Variants in DPP6 observed in about 807,000 individuals in gnomAD.
DPP6 encodes the protein A-type potassium channel modulatory protein DPP6.
Under a neutral mutation model 122.6 loss-of-function variants are expected in DPP6, and 69 were observed. That is an observed-to-expected ratio of 0.56 (90% CI 0.46 to 0.69). The LOEUF (loss-of-function observed/expected upper bound fraction) is 0.69. Ranked by LOEUF, DPP6 falls within the 30% of genes least tolerant of loss-of-function variation. DPP6 has a pLI of 0.00. For missense variants in DPP6, 928 were observed against 1,116.9 expected (o/e 0.83, Z 2.41); for synonymous variants, 418 against 433.1 (o/e 0.97, Z 0.43).
chr7:154,585,088 C>T (rs1832352193), intron 5 of DPP6, among the ~76,000 whole-genome samples: 1 of 147,912 alleles, frequency 6.8e-6, no homozygotes, highest in African/African-American at 2.5e-5. Context: ...CTCCCTCCAC[C>T]CCTAGTCCCT....
chr7:154,063,067 C>A (rs1310940576), intron 1 of DPP6, among the ~76,000 whole-genome samples: 1 of 132,074 alleles, frequency 7.6e-6, no homozygotes, highest in Non-Finnish European at 1.7e-5. Flanking sequence ...AGAGTGGGGA[C>A]TGAGAGCTAT....
At chr7:153,813,735 G>T in the DPP6 span, among the ~76,000 whole-genome samples, 5 of 151,742 alleles carry the variant, frequency 3.3e-5, no homozygotes, top group African/African-American at 1.2e-4. Context: ...GTGTGAGATG[G>T]TATCTCATTG....
intron 1 of DPP6, among the ~76,000 whole-genome samples, chr7:154,060,806 C>T (rs984868923): frequency 9.2e-6 from 1 of 108,852 alleles, no homozygotes; most frequent in African/African-American, 4.4e-5. Flanking sequence ...GAGGGGGACG[C>T]ACCCCCCATG....
chr7:154,777,015 CTGTT>C (rs1400218007), intron 10 of DPP6, among the ~76,000 whole-genome samples: 1 of 152,158 alleles, frequency 6.6e-6, no homozygotes, highest in African/African-American at 2.4e-5. Flanking sequence ...TTATTTTTTC[CTGTT>C]TGTTTGCTTG....
chr7:154,167,982 G>A (rs916701744), intron 1 of DPP6, among the ~76,000 whole-genome samples: 1 of 152,132 alleles, frequency 6.6e-6, no homozygotes. Flanking sequence ...TTTCTGGGAC[G>A]CCATCCAATC....
At chr7:154,240,520 A>G (rs769785537) in intron 1 of DPP6, among the ~76,000 whole-genome samples, 2 of 152,238 alleles carry the variant, frequency 1.3e-5, no homozygotes, top group Non-Finnish European at 2.9e-5. Context: ...AAGGCAAGAA[A>G]GAGTGAAATA....
intron 17 of DPP6, among the ~76,000 whole-genome samples, chr7:154,858,946 T>G (rs909072899): frequency 6.6e-6 from 1 of 152,122 alleles, no homozygotes; most frequent in Non-Finnish European, 1.5e-5. Context: ...TCATCTGAGA[T>G]CCACAGCAAA....
At chr7:154,359,780 A>G (rs1157952233) in intron 1 of DPP6, among the ~76,000 whole-genome samples, 1 of 152,196 alleles carries the variant, frequency 6.6e-6, no homozygotes, top group Non-Finnish European at 1.5e-5. Flanking sequence ...CACTTTCCCA[A>G]ACACAGGACT....
At chr7:154,101,486 C>T (rs1219441812) in intron 1 of DPP6, among the ~76,000 whole-genome samples, 1 of 151,244 alleles carries the variant, frequency 6.6e-6, no homozygotes, top group Non-Finnish European at 1.5e-5. Context: ...CAAGGCAGGA[C>T]ATTTAGAAGG....
chr7:154,422,441 A>G (rs985788697), intron 1 of DPP6, among the ~76,000 whole-genome samples: 10 of 152,278 alleles, frequency 6.6e-5, no homozygotes, highest in African/African-American at 2.4e-4. Flanking sequence ...CAATAACTGC[A>G]TATTTTGGTC....
chr7:154,218,913 A>G (rs1800150771), intron 1 of DPP6, among the ~76,000 whole-genome samples: 1 of 152,222 alleles, frequency 6.6e-6, no homozygotes, highest in Non-Finnish European at 1.5e-5. Flanking sequence ...TAGTGCTAGA[A>G]TTTAATGAAT....
At position 154,804,900 on chromosome 7, in the gene DPP6, C is replaced by A. The variant is rs748846702; in HGVS notation, c.1500-17C>A. ...CTTGGAGCAAACTAACCCTGTGCAC[C>A]TTGGTGATCTTTGCAGCTACTTCCT... On this transcript the variant is annotated splice_polypyrimidine_tract_variant and intron_variant, in intron 14 of 25. Transcript: ENST00000377770. The A allele has an allele frequency of 5.0e-6, 8 of 1,598,170 alleles. No individual in the cohort carries two copies. In the Admixed American group the frequency reaches 1.4e-4, roughly 28 times the overall value.
chr7:153,868,236 C>G, the DPP6 span, among the ~76,000 whole-genome samples: 16 of 152,218 alleles, frequency 1.1e-4, no homozygotes, highest in East Asian at 3.1e-3. Flanking sequence ...GTACCAGCTC[C>G]TCCTTGTACC....
intron 5 of DPP6, among the ~76,000 whole-genome samples, chr7:154,607,370 T>C (rs890391254): frequency 2.6e-5 from 3 of 115,820 alleles, no homozygotes; most frequent in African/African-American, 8.2e-5. Context: ...CCATCCTGGC[T>C]AACACGCTGA....
chr7:153,819,955 A>G, the DPP6 span, among the ~76,000 whole-genome samples: 3 of 152,180 alleles, frequency 2.0e-5, no homozygotes, highest in African/African-American at 4.8e-5. Context: ...AATTCATCCA[A>G]TCTTAAAGCT....
At chr7:153,815,028 A>G in the DPP6 span, among the ~76,000 whole-genome samples, 1 of 152,216 alleles carries the variant, frequency 6.6e-6, no homozygotes, top group African/African-American at 2.4e-5. Context: ...AACTGGAAGC[A>G]TTCCCTTTGA....
chr7:154,338,556 C>G (rs548259876), intron 1 of DPP6, among the ~76,000 whole-genome samples: 1 of 152,300 alleles, frequency 6.6e-6, no homozygotes, highest in East Asian at 1.9e-4. Flanking sequence ...GAGTCTGCAT[C>G]CTTCCCCAGG....
At chr7:154,347,979 ATT>A (rs1296766113) in intron 1 of DPP6, among the ~76,000 whole-genome samples, 1 of 152,174 alleles carries the variant, frequency 6.6e-6, no homozygotes, top group Non-Finnish European at 1.5e-5. Context: ...CGTTGAAATC[ATT>A]TGTTTTTTAG....
chr7:154,074,598 T>C (rs563071047), intron 1 of DPP6, among the ~76,000 whole-genome samples: 251 of 152,304 alleles, frequency 1.6e-3, no homozygotes, highest in African/African-American at 5.9e-3. Flanking sequence ...AAGTAACGTT[T>C]ATAGGTCTCC....
Sources: gnomAD v4.1 joint callset for allele counts (sites outside exome capture counted in the v4.1 genomes callset) on GRCh38, gnomAD v4.1.1 for gene constraint, MANE v1.5 for transcripts, NCBI Gene and HGNC (gene_info 2026-07-23, HGNC 2026-07-21) for gene names.